Variants in DMD observed in about 807,000 individuals in gnomAD.
DMD encodes the protein mutant dystrophin.
In DMD, 63 loss-of-function variants were observed where a neutral mutation model predicts 330.1. That is an observed-to-expected ratio of 0.19 (90% confidence interval 0.16 to 0.24). The LOEUF (loss-of-function observed/expected upper bound fraction) is 0.24, where lower values mean the gene tolerates loss of function less well. Ranked by LOEUF, DMD falls within the 10% of genes least tolerant of loss-of-function variation. DMD has a pLI of 1.00. For missense variants in DMD, 3,344 were observed against 2,684.1 expected (o/e 1.25, Z -5.43); for synonymous variants, 1,223 against 959.8 (o/e 1.27, Z -5.07).
At chrX:33,031,069 T>G (rs998766744) in intron 1 of DMD, among the ~76,000 whole-genome samples, 2 of 111,246 alleles carry the variant, frequency 1.8e-5, no homozygotes, top group Admixed American at 9.5e-5. Context: ...CATCCCTTAT[T>G]TCACCGAGCC....
chrX:31,316,013 G>A (rs1243111580), intron 62 of DMD, among the ~76,000 whole-genome samples: 2 of 112,108 alleles, frequency 1.8e-5, no homozygotes, highest in Non-Finnish European at 3.8e-5. Flanking sequence ...GTGGTCCCAG[G>A]CATTATCTAG....
At chrX:31,782,749 G>C (rs969070903) in intron 50 of DMD, among the ~76,000 whole-genome samples, 1 of 111,522 alleles carries the variant, frequency 9.0e-6, no homozygotes, top group African/African-American at 3.3e-5. Context: ...GAAATTAAAA[G>C]AAAAATGCTT....
chrX:31,951,145 A>ATATATATATATGTATATATATATATATG (rs1380025844), intron 45 of DMD, among the ~76,000 whole-genome samples: 9 of 71,278 alleles, frequency 1.3e-4, no homozygotes, highest in South Asian at 1.1e-3. Flanking sequence ...ATATATGTGT[A>ATATATATATATGTATATATATATATATG]TATATATATA....
At chrX:32,722,241 C>T (rs985439381) in intron 7 of DMD, among the ~76,000 whole-genome samples, 2 of 109,771 alleles carry the variant, frequency 1.8e-5, no homozygotes, top group Non-Finnish European at 1.9e-5. Context: ...TCTATTTCCA[C>T]GGATGCAACT....
chrX:31,906,079 C>T (rs932758680), intron 47 of DMD, among the ~76,000 whole-genome samples: 3 of 111,304 alleles, frequency 2.7e-5, no homozygotes, highest in East Asian at 5.7e-4. Flanking sequence ...TGAATCACGG[C>T]GGGCGGTTAC....
At chrX:32,877,662 T>C (rs144087722) in intron 2 of DMD, among the ~76,000 whole-genome samples, 3,094 of 111,975 alleles carry the variant, frequency 0.028, 96 homozygotes, top group African/African-American at 0.084. Flanking sequence ...TCTACATCTC[T>C]TTAGATGACT....
chrX:32,573,721 G>T (rs1464997824), intron 14 of DMD, 24 bp downstream of exon 14: 1 of 1,198,812 alleles, frequency 8.3e-7, no homozygotes, highest in Middle Eastern at 2.3e-4. Flanking sequence ...GTCTTTTACA[G>T]CTAGTTTCTC....
At chrX:33,121,567 C>T (rs1406712493) in intron 1 of DMD, among the ~76,000 whole-genome samples, 1 of 111,904 alleles carries the variant, frequency 8.9e-6, no homozygotes, top group African/African-American at 3.2e-5. Flanking sequence ...CTTTTAAGAA[C>T]AGGCTAATTT....
intron 66 of DMD, 106 bp downstream of exon 66, chrX:31,206,476 A>C: frequency 1.4e-6 from 1 of 721,877 alleles, no homozygotes; most frequent in East Asian, 3.5e-5. Flanking sequence ...TACATCTTAC[A>C]TGAGGAATCT....
chrX:33,098,060 T>C (rs1183558695), intron 1 of DMD, among the ~76,000 whole-genome samples: 1 of 111,986 alleles, frequency 8.9e-6, no homozygotes, highest in Non-Finnish European at 1.9e-5. Context: ...TAAGAGGAAC[T>C]TACCTAGTTA....
Position 31,836,648 on chromosome X carries a change from G to A in DMD, c.7200+70C>T, listed in dbSNP as rs1453618765. 3 of 872,342 alleles carry A rather than the reference G, an allele frequency of 3.4e-6. No homozygotes were observed. The African/African-American group carries it at 6.0e-5, about 17-fold the overall frequency. 71.9% of individuals were successfully genotyped at this position (872,342 alleles called of 1,213,427 possible). On this transcript the variant is annotated intron_variant, in intron 49 of 78. Coordinates refer to ENST00000357033, the MANE Select transcript of DMD (RefSeq NM_004006.3). ...CTGATTATAAATAGTCCACGTCAAT[G>A]GCAAATGTACAACAGGGGAAGCATA...
chrX:31,374,964 TG>T (rs2059811417), intron 60 of DMD, among the ~76,000 whole-genome samples: 1 of 111,619 alleles, frequency 9.0e-6, no homozygotes, highest in African/African-American at 3.3e-5. Context: ...GGCTCACAGC[TG>T]GGGCCTTCAT....
Position 32,625,733 on chromosome X carries a change from G to A in DMD, c.1332-11280C>T, listed in dbSNP as rs188610040. On this transcript the variant is annotated intron_variant, in intron 11 of 78. Coordinates refer to ENST00000357033, the MANE Select transcript of DMD (RefSeq NM_004006.3). ...ATATATTATGAAAACATAATCATATGCTAGGCACTAACTAATAAAGGCATA... is the reference window on the plus strand; with the variant it reads ...ATATATTATGAAAACATAATCATATACTAGGCACTAACTAATAAAGGCATA... 6.2e-4 allele frequency among the ~76,000 whole-genome samples: 69 copies of A among 111,884 alleles called. 1 individual carries two copies. In the East Asian group the frequency reaches 0.017, roughly 27 times the overall value.
At chrX:32,085,376 T>C in intron 44 of DMD, among the ~76,000 whole-genome samples, 1 of 109,616 alleles carries the variant, frequency 9.1e-6, no homozygotes. Flanking sequence ...CTTTGGATTT[T>C]TAGTGTATCC....
At chrX:33,265,803 T>C (rs1418727594) in intron 1 of DMD, among the ~76,000 whole-genome samples, 1 of 111,826 alleles carries the variant, frequency 8.9e-6, no homozygotes, top group East Asian at 2.8e-4. Flanking sequence ...GAACTTAATA[T>C]AAGCTTTATC....
At chrX:32,469,875 T>A (rs2040437526) in intron 22 of DMD, among the ~76,000 whole-genome samples, 1 of 111,179 alleles carries the variant, frequency 9.0e-6, no homozygotes, top group African/African-American at 3.3e-5. Flanking sequence ...TCAATCAATA[T>A]CCTATCTATC....
rs772462992 is a variant in DMD, at chrX:32,680,889, G to A, written c.960+16981C>T. 8.1e-5 allele frequency among the ~76,000 whole-genome samples: 9 copies of A among 111,251 alleles called. No homozygotes were observed. The South Asian group carries it at 3.1e-3, about 38-fold the overall frequency. On this transcript the variant is annotated intron_variant, in intron 9 of 78. Transcript: ENST00000357033. ...CGCCCCTTATATTTGAGACGGGAGT[G>A]GGGGTAACAGTCCACAGCTGCTCAT...
At chrX:32,070,169 C>T (rs1404485112) in intron 44 of DMD, among the ~76,000 whole-genome samples, 2 of 110,753 alleles carry the variant, frequency 1.8e-5, no homozygotes, top group African/African-American at 6.6e-5. Context: ...TCAGGCCAAT[C>T]GGATGGCTAG....
At position 32,045,346 on chromosome X, in the gene DMD, G is replaced by GTT. The variant is rs1337978736; in HGVS notation, c.6439-76834_6439-76833dup. Among the ~76,000 whole-genome samples the GTT allele has an allele frequency of 8.1e-4, 78 of 96,257 alleles. 1 individual carries two copies. Among genetic ancestry groups the GTT allele is most frequent in the African/African-American group, 2.7e-3 (68 of 25,504 alleles). The allele number at this position is 96,257 out of a possible 115,157, so 83.6% of individuals were successfully genotyped here. The stretch of plus-strand genomic sequence containing the variant: ...GCTGAGTTCTTGAGCGATCTGTTTT[G>GTT]TTTTTTTTTTTTTTAAATGTGTGGC... On this transcript the variant is annotated intron_variant, in intron 44 of 78. Transcript: ENST00000357033.
Sources: allele counts gnomAD v4.1 joint callset (sites outside exome capture counted in the v4.1 genomes callset), GRCh38; gene constraint gnomAD v4.1.1; transcripts MANE v1.5; gene names NCBI Gene and HGNC (gene_info 2026-07-23, HGNC 2026-07-21).